Variants in HS6ST3 observed in about 807,000 individuals in gnomAD.
The protein encoded by HS6ST3 is heparan sulfate 6-O-sulfotransferase 3.
Under a neutral mutation model 36.7 loss-of-function variants are expected in HS6ST3, and 12 were observed. The observed-to-expected ratio is 0.33, with a 90% CI of 0.21 to 0.53. HS6ST3 has a LOEUF of 0.53. HS6ST3 is among the 20% of genes least tolerant of loss of function. The pLI is 0.95. For missense variants in HS6ST3, 584 were observed against 640.9 expected (o/e 0.91, Z 0.96); for synonymous variants, 240 against 257.5 (o/e 0.93, Z 0.65).
At chr13:96,508,905 C>G (rs1034763215) in intron 1 of HS6ST3, among the ~76,000 whole-genome samples, 4 of 152,012 alleles carry the variant, frequency 2.6e-5, no homozygotes, top group Non-Finnish European at 4.4e-5. Context: ...AGTGGGATGG[C>G]TGGATCAAAT....
chr13:96,335,281 A>G (rs149435071), intron 1 of HS6ST3, among the ~76,000 whole-genome samples: 1 of 152,172 alleles, frequency 6.6e-6, no homozygotes, highest in African/African-American at 2.4e-5. Context: ...AAGAAGTTGA[A>G]AAGTTTCTAG....
At chr13:96,557,769 C>T (rs552875298) in intron 1 of HS6ST3, among the ~76,000 whole-genome samples, 1 of 152,278 alleles carries the variant, frequency 6.6e-6, no homozygotes, top group East Asian at 1.9e-4. Context: ...AATCTTTCTG[C>T]TGCCTTTGAC....
Position 96,155,455 on chromosome 13 carries a change from A to C in HS6ST3, c.707+63886A>C, listed in dbSNP as rs936190098. ...AAAGCTGAATGCTTAAATAGGTATTAATTAGCCCTAGATGTGGCACTAGGG... is the reference window on the plus strand; with the variant it reads ...AAAGCTGAATGCTTAAATAGGTATTCATTAGCCCTAGATGTGGCACTAGGG... On this transcript the variant is annotated intron_variant, in intron 1 of 1. Coordinates refer to ENST00000376705, the MANE Select transcript of HS6ST3 (RefSeq NM_153456.4). Among the ~76,000 whole-genome samples, 6 of 152,184 alleles carry C rather than the reference A, an allele frequency of 3.9e-5. No homozygotes were observed. In the South Asian group the frequency reaches 1.2e-3, roughly 31 times the overall value.
chr13:96,710,036 T>A (rs539347469), intron 1 of HS6ST3, among the ~76,000 whole-genome samples: 126 of 152,328 alleles, frequency 8.3e-4, no homozygotes, highest in African/African-American at 2.9e-3. Flanking sequence ...TGCAACTCTG[T>A]GCTGTTTCTC....
At chr13:96,132,787 A>G (rs993846400) in intron 1 of HS6ST3, among the ~76,000 whole-genome samples, 1 of 152,110 alleles carries the variant, frequency 6.6e-6, no homozygotes, top group African/African-American at 2.4e-5. Flanking sequence ...AACCCTTGTT[A>G]TCTTTTGTCT....
At chr13:96,588,752 T>G (rs181694560) in intron 1 of HS6ST3, among the ~76,000 whole-genome samples, 1 of 152,062 alleles carries the variant, frequency 6.6e-6, no homozygotes, top group Non-Finnish European at 1.5e-5. Context: ...AATTTTTTTT[T>G]AAAGTGTTTC....
At position 96,568,580 on chromosome 13, in the gene HS6ST3, A is replaced by G. The variant is rs542817961; in HGVS notation, c.708-263910A>G. ...CCAGCTCTCTGAATCTTTACATTCA[A>G]GTGTCTATATATTATTATTTCAATT... On this transcript the variant is annotated intron_variant, in intron 1 of 1. Coordinates refer to ENST00000376705, the MANE Select transcript of HS6ST3 (RefSeq NM_153456.4). Among the ~76,000 whole-genome samples, 3 of 152,312 alleles carry G rather than the reference A, an allele frequency of 2.0e-5. No homozygotes were observed. In the South Asian group the frequency reaches 6.2e-4, roughly 32 times the overall value.
chr13:96,120,199 G>A (rs955912789), intron 1 of HS6ST3, among the ~76,000 whole-genome samples: 1 of 152,208 alleles, frequency 6.6e-6, no homozygotes, highest in Admixed American at 6.5e-5. Flanking sequence ...CAGAAGCTAG[G>A]AAGAGGCAAG....
chr13:96,176,133 A>G (rs1445240350), intron 1 of HS6ST3, among the ~76,000 whole-genome samples: 1 of 152,148 alleles, frequency 6.6e-6, no homozygotes. Flanking sequence ...CTGGCCAAAT[A>G]TATTTAAATC....
chr13:96,409,286 G>A (rs2139461185), intron 1 of HS6ST3, among the ~76,000 whole-genome samples: 1 of 152,294 alleles, frequency 6.6e-6, no homozygotes, highest in Middle Eastern at 3.4e-3. Flanking sequence ...CAGTAGCTCT[G>A]TGTCCAGTCA....
At chr13:96,250,287 C>T (rs1394578548) in intron 1 of HS6ST3, among the ~76,000 whole-genome samples, 1 of 152,068 alleles carries the variant, frequency 6.6e-6, no homozygotes, top group Non-Finnish European at 1.5e-5. Context: ...GAATGGTGAT[C>T]CCCCAAAGGA....
At chr13:96,337,393 A>G (rs1275600369) in intron 1 of HS6ST3, among the ~76,000 whole-genome samples, 3 of 152,110 alleles carry the variant, frequency 2.0e-5, no homozygotes, top group Non-Finnish European at 4.4e-5. Flanking sequence ...TTTTTTTCTT[A>G]AGGAAATTTC....
chr13:96,432,694 C>G (rs1269862801), intron 1 of HS6ST3, among the ~76,000 whole-genome samples: 1 of 152,116 alleles, frequency 6.6e-6, no homozygotes. Flanking sequence ...AGCAAAAGGT[C>G]AGCAAACTCA....
chr13:96,656,019 T>C (rs1162086034), intron 1 of HS6ST3, among the ~76,000 whole-genome samples: 2 of 152,172 alleles, frequency 1.3e-5, no homozygotes, highest in African/African-American at 2.4e-5. Context: ...GGAAATTAGA[T>C]GATGTATAAA....
At chr13:96,717,853 G>T (rs775623983) in intron 1 of HS6ST3, among the ~76,000 whole-genome samples, 7 of 152,156 alleles carry the variant, frequency 4.6e-5, no homozygotes, top group Non-Finnish European at 1.0e-4. Flanking sequence ...GCACATATGT[G>T]TGGGGAAATT....
At chr13:96,211,713 G>A (rs746518672) in intron 1 of HS6ST3, among the ~76,000 whole-genome samples, 3 of 152,028 alleles carry the variant, frequency 2.0e-5, no homozygotes, top group Non-Finnish European at 2.9e-5. Flanking sequence ...TGGAAGTATG[G>A]CACCATAGGT....
intron 1 of HS6ST3, among the ~76,000 whole-genome samples, chr13:96,265,323 T>C (rs540099452): frequency 6.6e-6 from 1 of 152,214 alleles, no homozygotes; most frequent in East Asian, 1.9e-4. Context: ...TACAGGCACG[T>C]AACACCATGC....
intron 1 of HS6ST3, among the ~76,000 whole-genome samples, chr13:96,528,097 ATCTTTTTAACAT>A (rs2056121324): frequency 6.6e-6 from 1 of 152,220 alleles, no homozygotes; most frequent in Admixed American, 6.5e-5. Context: ...GTGAGTACAC[ATCTTTTTAACAT>A]TCTTTTTAAT....
intron 1 of HS6ST3, among the ~76,000 whole-genome samples, chr13:96,339,998 C>A (rs1322949888): frequency 6.6e-6 from 1 of 152,162 alleles, no homozygotes; most frequent in Non-Finnish European, 1.5e-5. Flanking sequence ...GGTCCAGTTG[C>A]GTAAGGTGAA....
Sources: gnomAD v4.1 joint callset for allele counts (sites outside exome capture counted in the v4.1 genomes callset) on GRCh38, gnomAD v4.1.1 for gene constraint, MANE v1.5 for transcripts, NCBI Gene and HGNC (gene_info 2026-07-23, HGNC 2026-07-21) for gene names.